PAAF1: variants seen among roughly 807,000 people sequenced by gnomAD.
The protein encoded by PAAF1 is proteasomal ATPase-associated factor 1.
In PAAF1, 46 loss-of-function variants were observed where a neutral mutation model predicts 52.8. That is an observed-to-expected ratio of 0.87 (90% CI 0.69 to 1.11). PAAF1 has a LOEUF of 1.11. Among genes scored for constraint, PAAF1 ranks in the 50% most tolerant of loss-of-function variants. The pLI is 0.00. For missense variants in PAAF1, 424 were observed against 477.4 expected (o/e 0.89, Z 1.04); for synonymous variants, 178 against 172.8 (o/e 1.03, Z -0.24).
chr11:73,909,894 C>T (rs750088030), intron 7 of PAAF1, among the ~76,000 whole-genome samples: 1 of 152,136 alleles, frequency 6.6e-6, no homozygotes, highest in Non-Finnish European at 1.5e-5. Context: ...GAAGACTTGT[C>T]TTGGGCCACA....
intron 6 of PAAF1, among the ~76,000 whole-genome samples, chr11:73,901,657 C>T (rs1386893953): frequency 6.6e-6 from 1 of 151,508 alleles, no homozygotes; most frequent in Non-Finnish European, 1.5e-5. Flanking sequence ...GGCCGGAGTC[C>T]AGTGGCATGA....
chr11:73,915,610 A>G lies in PAAF1; in HGVS notation c.820-935A>G, dbSNP rs1270750627. ...GGAACAAGAGTGAGACCCTGTCTCAAAAAAGGGACTCATGCATTCAGGACT... is the reference window on the plus strand; with the variant it reads ...GGAACAAGAGTGAGACCCTGTCTCAGAAAAGGGACTCATGCATTCAGGACT... On this transcript the variant is annotated intron_variant, in intron 8 of 11. Transcript: ENST00000310571. Among the ~76,000 whole-genome samples the G allele has an allele frequency of 2.0e-5, 3 of 152,328 alleles. No individual in the cohort carries two copies. In the East Asian group the frequency reaches 5.8e-4, roughly 29 times the overall value.
At chr11:73,919,061 G>T (rs574374430) in intron 10 of PAAF1, 29 bp downstream of exon 10, 1 of 1,557,736 alleles carries the variant, frequency 6.4e-7, no homozygotes, top group Non-Finnish European at 8.8e-7. Context: ...TGAGAGAGAT[G>T]CTTCTCTGTA....
At chr11:73,905,150 C>T (rs1032055164) in intron 6 of PAAF1, among the ~76,000 whole-genome samples, 1 of 152,136 alleles carries the variant, frequency 6.6e-6, no homozygotes, top group African/African-American at 2.4e-5. Flanking sequence ...ACAAAAATAA[C>T]AGTAAAGCTT....
intron 6 of PAAF1, among the ~76,000 whole-genome samples, chr11:73,904,071 G>A (rs1242784949): frequency 7.3e-5 from 11 of 150,936 alleles, no homozygotes; most frequent in East Asian, 1.9e-4. Flanking sequence ...GCAACAGAGC[G>A]AGACTCCGTC....
chr11:73,904,611 T>C (rs1949709453), intron 6 of PAAF1, among the ~76,000 whole-genome samples: 1 of 152,166 alleles, frequency 6.6e-6, no homozygotes, highest in African/African-American at 2.4e-5. Context: ...CGCCTCCAAG[T>C]AATAGGAGGT....
chr11:73,925,800 A>G (rs952465581), intron 11 of PAAF1, among the ~76,000 whole-genome samples: 3 of 152,188 alleles, frequency 2.0e-5, no homozygotes, highest in African/African-American at 7.2e-5. Context: ...AAAAAGTTGT[A>G]CAATTAATAT....
In PAAF1 at chr11:73,927,375, A is replaced by G. The variant is rs142340655; in HGVS notation, c.*13A>G. On this transcript the variant is annotated 3_prime_UTR_variant, in exon 12 of 12. Coordinates refer to ENST00000310571, the MANE Select transcript of PAAF1 (RefSeq NM_025155.3). The stretch of plus-strand genomic sequence containing the variant: ...TTCTGACCTCTGACTTCTTGGAAAG[A>G]GCAGTCCCGGTTAGTGAAAAGGTTT... The G allele has an allele frequency of 2.5e-6, 4 of 1,608,586 alleles. No homozygotes were observed. The African/African-American group carries it at 5.3e-5, about 21-fold the overall frequency.
chr11:73,900,962 A>G (rs1486183564), intron 6 of PAAF1, among the ~76,000 whole-genome samples: 1 of 133,710 alleles, frequency 7.5e-6, no homozygotes, highest in Non-Finnish European at 1.5e-5. Context: ...AACCTGGGCG[A>G]CAGAGCGAGA....
At chr11:73,923,400 A>G (rs983032481) in intron 10 of PAAF1, among the ~76,000 whole-genome samples, 3 of 152,186 alleles carry the variant, frequency 2.0e-5, no homozygotes, top group Non-Finnish European at 4.4e-5. Context: ...ACCATGTAAA[A>G]TAGGCACAAA....
In PAAF1 at chr11:73,877,005, G is replaced by C. The variant is rs1948758569; in HGVS notation, c.-17G>C. On this transcript the variant is annotated 5_prime_UTR_variant, in exon 1 of 12. Transcript: ENST00000310571. ...GGGAAGGGGCGGAAGAGGTGGGCTG[G>C]TGGAGGCGGGGTCGAGATGGCGGCG... 1 of 1,528,374 alleles carries C rather than the reference G, an allele frequency of 6.5e-7. No individual in the cohort carries two copies. Among genetic ancestry groups the C allele is most frequent in the Non-Finnish European group, 8.8e-7 (1 of 1,134,986 alleles). The allele number at this position is 1,528,374 out of a possible 1,614,324, so 94.7% of individuals were successfully genotyped here. A position where few individuals can be genotyped will look rare whatever the true frequency, so the allele number is the denominator to read the frequency against.
At position 73,929,696 on chromosome 11, in the gene PAAF1, T is replaced by C. The variant is rs1950428398; in HGVS notation, c.*2334T>C. 2 of 152,196 alleles carry C rather than the reference T, an allele frequency of 1.3e-5. No individual in the cohort carries two copies. Among genetic ancestry groups the C allele is most frequent in the Admixed American group, 6.6e-5 (1 of 15,264 alleles). 9.4% of individuals were successfully genotyped at this position (152,196 alleles called of 1,614,324 possible). On this transcript the variant is annotated 3_prime_UTR_variant, in exon 12 of 12. Coordinates refer to ENST00000310571, the MANE Select transcript of PAAF1 (RefSeq NM_025155.3). ...AGGGTCAGGTAGACCAGAATGGACA[T>C]ATTCCAGAACTTAGAAACATTAAAT...
Position 73,930,372 on chromosome 11 carries a change from GA to G in PAAF1, c.*3021del, listed in dbSNP as rs71065056. The G allele has an allele frequency of 0.066, 8,492 of 127,710 alleles. 260 individuals are homozygous for G. The highest frequency in any genetic ancestry group is 0.12 in the Middle Eastern group (29 of 240). 7.9% of individuals were successfully genotyped at this position (127,710 alleles called of 1,614,324 possible). On this transcript the variant is annotated 3_prime_UTR_variant, in exon 12 of 12. Transcript: ENST00000310571. ...GCGACAGAGCGAGGCTCTATCTCAAGAAAAAAAAAAAGAAAAAAAGAAAACA... is the reference window on the plus strand; with the variant it reads ...GCGACAGAGCGAGGCTCTATCTCAAGAAAAAAAAAAGAAAAAAAGAAAACA...
intron 11 of PAAF1, among the ~76,000 whole-genome samples, chr11:73,926,032 T>C (rs1266194667): frequency 6.6e-6 from 1 of 152,196 alleles, no homozygotes; most frequent in East Asian, 1.9e-4. Context: ...CTCTATATAT[T>C]GCCCTGTGAC....
At position 73,925,377 on chromosome 11, in the gene PAAF1, G is replaced by A. The variant is rs1205085748; in HGVS notation, c.1101+680G>A. ...CTCATTTGGGAGGCCAAGATGGGAC[G>A]ATTGCTTGGGCCTGGGAAGTTGAGG... On this transcript the variant is annotated intron_variant, in intron 11 of 11. Transcript: ENST00000310571. Among the ~76,000 whole-genome samples the A allele has an allele frequency of 4.0e-5, 6 of 150,464 alleles. No individual in the cohort carries two copies. The East Asian group carries it at 5.9e-4, about 15-fold the overall frequency.
Position 73,908,839 on chromosome 11 carries a change from A to G in PAAF1, c.533-560A>G, listed in dbSNP as rs550940192. Among the ~76,000 whole-genome samples the G allele has an allele frequency of 5.3e-5, 8 of 152,034 alleles. No homozygotes were observed. In the East Asian group the frequency reaches 1.4e-3, roughly 26 times the overall value. On this transcript the variant is annotated intron_variant, in intron 6 of 11. Coordinates refer to ENST00000310571, the MANE Select transcript of PAAF1 (RefSeq NM_025155.3). ...CGGAGTCTCCTCTGTTGAAGGCTGG[A>G]GTGCAGTGGCGTGATCTCGGGTCAC...
chr11:73,891,067 T>A, intron 3 of PAAF1, 45 bp from the exon 4 acceptor site: 1 of 1,124,064 alleles, frequency 8.9e-7, no homozygotes, highest in Non-Finnish European at 1.3e-6. Flanking sequence ...TATAATACAT[T>A]GGAGGAGTTT....
intron 5 of PAAF1, among the ~76,000 whole-genome samples, chr11:73,899,966 C>G (rs1182032789): frequency 6.6e-6 from 1 of 151,678 alleles, no homozygotes; most frequent in Non-Finnish European, 1.5e-5. Context: ...AGCTCTTTAA[C>G]TAGATCTAGA....
At chr11:73,903,818 T>A (rs1949688730) in intron 6 of PAAF1, among the ~76,000 whole-genome samples, 1 of 151,008 alleles carries the variant, frequency 6.6e-6, no homozygotes, top group Admixed American at 6.6e-5. Context: ...GCGCAGCGTC[T>A]CACCCCTGTA....
Sources: allele counts gnomAD v4.1 joint callset (sites outside exome capture counted in the v4.1 genomes callset), GRCh38; gene constraint gnomAD v4.1.1; transcripts MANE v1.5; gene names NCBI Gene and HGNC (gene_info 2026-07-23, HGNC 2026-07-21).